Variants in VTA1 observed in about 807,000 individuals in gnomAD.
VTA1 encodes the protein vacuolar protein sorting-associated protein VTA1 homolog.
Under a neutral mutation model 36.9 loss-of-function variants are expected in VTA1, and 24 were observed. That is an observed-to-expected ratio of 0.65 (90% confidence interval 0.47 to 0.91). VTA1 has a LOEUF of 0.91. Among genes scored for constraint, VTA1 ranks in the 40% least tolerant of loss-of-function variants. The pLI, the probability that VTA1 is intolerant of heterozygous loss-of-function variation, is 0.00. For synonymous variants in VTA1, 142 were observed against 130.2 expected (o/e 1.09, Z -0.62); for missense variants, 393 against 377.2 (o/e 1.04, Z -0.35).
At chr6:142,173,166 G>A (rs1292825398) in intron 4 of VTA1, among the ~76,000 whole-genome samples, 8 of 152,174 alleles carry the variant, frequency 5.3e-5, no homozygotes, top group Admixed American at 3.3e-4. Flanking sequence ...GCAAAAGACA[G>A]CAAAGTAGAG....
chr6:142,174,556 T>A (rs1775084344), intron 4 of VTA1, among the ~76,000 whole-genome samples: 1 of 152,188 alleles, frequency 6.6e-6, no homozygotes, highest in Non-Finnish European at 1.5e-5. Context: ...GAGTTAAATC[T>A]TTAGGAGACT....
At chr6:142,152,897 T>C (rs1464868471) in intron 1 of VTA1, among the ~76,000 whole-genome samples, 1 of 152,134 alleles carries the variant, frequency 6.6e-6, no homozygotes, top group Non-Finnish European at 1.5e-5. Flanking sequence ...AAAAGCTCCA[T>C]GGGCTATGTG....
chr6:142,188,338 C>T (rs1444271508), intron 4 of VTA1, among the ~76,000 whole-genome samples: 1 of 147,920 alleles, frequency 6.8e-6, no homozygotes, highest in Non-Finnish European at 1.5e-5. Flanking sequence ...CCTCAGCCTC[C>T]CGAGTAGCTG....
chr6:142,190,671 T>A (rs1775438685), intron 5 of VTA1, among the ~76,000 whole-genome samples: 1 of 152,252 alleles, frequency 6.6e-6, no homozygotes. Flanking sequence ...CAAACGATCC[T>A]TGCATTTTGT....
intron 4 of VTA1, among the ~76,000 whole-genome samples, chr6:142,180,786 A>G (rs1775211361): frequency 1.3e-5 from 2 of 152,050 alleles, no homozygotes; most frequent in South Asian, 4.1e-4. Flanking sequence ...TATAACCCGA[A>G]CGTAATCATG....
At chr6:142,176,663 TAATA>T (rs1449495013) in intron 4 of VTA1, among the ~76,000 whole-genome samples, 2 of 151,952 alleles carry the variant, frequency 1.3e-5, no homozygotes, top group Non-Finnish European at 1.5e-5. Flanking sequence ...CAAATGCAAG[TAATA>T]AATGAATTAC....
chr6:142,184,607 G>A (rs1202312382), intron 4 of VTA1, among the ~76,000 whole-genome samples: 1 of 152,056 alleles, frequency 6.6e-6, no homozygotes, highest in Non-Finnish European at 1.5e-5. Flanking sequence ...TAGCCTTGGA[G>A]GAAAAGAGAC....
At chr6:142,212,332 T>C (rs949868707) in intron 7 of VTA1, among the ~76,000 whole-genome samples, 8 of 152,214 alleles carry the variant, frequency 5.3e-5, no homozygotes, top group African/African-American at 1.9e-4. Context: ...TATTATTCAG[T>C]GCTAGAAGGA....
chr6:142,148,854 A>C lies in VTA1; in HGVS notation c.112+1455A>C, dbSNP rs73777131. Among the ~76,000 whole-genome samples, 678 of 152,260 alleles carry C rather than the reference A, an allele frequency of 4.5e-3. 2 individuals carry two copies. The highest frequency in any genetic ancestry group is 0.016 in the African/African-American group (655 of 41,558). On this transcript the variant is annotated intron_variant, in intron 1 of 7. Coordinates refer to ENST00000367630, the MANE Select transcript of VTA1 (RefSeq NM_016485.5). ...AAGAGTATTCTCCATAGAGGTTATAAAAGTCCCGAAGTAGAGGCTTGCTGG... is the reference window on the plus strand; with the variant it reads ...AAGAGTATTCTCCATAGAGGTTATACAAGTCCCGAAGTAGAGGCTTGCTGG...
chr6:142,187,619 T>C (rs1487404643), intron 4 of VTA1, among the ~76,000 whole-genome samples: 1 of 152,218 alleles, frequency 6.6e-6, no homozygotes, highest in East Asian at 1.9e-4. Context: ...TAAATGTGGA[T>C]ACTTCTGTTG....
chr6:142,188,930 G>A (rs1218270144), intron 4 of VTA1, among the ~76,000 whole-genome samples: 1 of 152,190 alleles, frequency 6.6e-6, no homozygotes, highest in Non-Finnish European at 1.5e-5. Context: ...TAACTAGCAT[G>A]TGACTAGTTA....
At chr6:142,170,790 T>A (rs780165382) in intron 4 of VTA1, among the ~76,000 whole-genome samples, 1 of 151,896 alleles carries the variant, frequency 6.6e-6, no homozygotes, top group Non-Finnish European at 1.5e-5. Flanking sequence ...CAAGGCACCA[T>A]AGCTGGCTAA....
Position 142,218,769 on chromosome 6 carries a change from T to C in VTA1, c.*126T>C. ...TTTTGTTGAATATGACAATGAAATCTGTGTGTATCAGATTTTTATTGAAGC... is the reference window on the plus strand; with the variant it reads ...TTTTGTTGAATATGACAATGAAATCCGTGTGTATCAGATTTTTATTGAAGC... On this transcript the variant is annotated 3_prime_UTR_variant, in exon 8 of 8. Coordinates refer to ENST00000367630, the MANE Select transcript of VTA1 (RefSeq NM_016485.5). 1 of 1,123,968 alleles carries C rather than the reference T, an allele frequency of 8.9e-7. No homozygotes were observed. The allele number at this position is 1,123,968 out of a possible 1,614,324, so 69.6% of individuals were successfully genotyped here.
intron 7 of VTA1, among the ~76,000 whole-genome samples, chr6:142,208,085 C>CA (rs567010868): frequency 0.12 from 11,460 of 99,164 alleles, 725 homozygotes; most frequent in African/African-American, 0.19. Flanking sequence ...AGACTTCCAT[C>CA]AAAAAAAAAA....
intron 1 of VTA1, among the ~76,000 whole-genome samples, chr6:142,154,134 A>G (rs948643154): frequency 3.3e-5 from 5 of 151,842 alleles, no homozygotes; most frequent in African/African-American, 1.2e-4. Flanking sequence ...TTGCCCTTTT[A>G]TTAATATAAC....
In VTA1 at chr6:142,220,063, A is replaced by G. The variant is rs1392375840; in HGVS notation, c.*1420A>G. ...TATCCATTATTTTCTGCATAAATGT[A>G]ATGCTATTGTACAGGGTTTGGTAGA... On this transcript the variant is annotated 3_prime_UTR_variant, in exon 8 of 8. Coordinates refer to ENST00000367630, the MANE Select transcript of VTA1 (RefSeq NM_016485.5). The G allele has an allele frequency of 2.0e-5, 3 of 152,212 alleles. No individual in the cohort carries two copies. Among genetic ancestry groups the G allele is most frequent in the African/African-American group, 7.2e-5 (3 of 41,454 alleles). 9.4% of individuals were successfully genotyped at this position (152,212 alleles called of 1,614,324 possible).
At chr6:142,169,398 T>C in intron 2 of VTA1, 152 bp from the exon 3 acceptor site, 3 of 820,220 alleles carry the variant, frequency 3.7e-6, no homozygotes, top group Non-Finnish European at 5.6e-6. Context: ...GGCTGAGGCA[T>C]AGCAGCTCTT....
intron 4 of VTA1, among the ~76,000 whole-genome samples, chr6:142,181,863 A>T (rs190234502): frequency 6.6e-6 from 1 of 152,204 alleles, no homozygotes; most frequent in African/African-American, 2.4e-5. Context: ...GCTTTGAAAA[A>T]TATAAAAGGA....
chr6:142,187,815 A>ACTCACAT (rs991101622), intron 4 of VTA1, among the ~76,000 whole-genome samples: 3 of 151,692 alleles, frequency 2.0e-5, no homozygotes, highest in African/African-American at 7.3e-5. Context: ...GTATCTAGAG[A>ACTCACAT]CTCACATTAT....
Sources: allele counts gnomAD v4.1 joint callset (sites outside exome capture counted in the v4.1 genomes callset), GRCh38; gene constraint gnomAD v4.1.1; transcripts MANE v1.5; gene names NCBI Gene and HGNC (gene_info 2026-07-23, HGNC 2026-07-21).